RALGPS1: variants seen among roughly 807,000 people sequenced by gnomAD.
The protein encoded by RALGPS1 is ras-specific guanine nucleotide-releasing factor RalGPS1.
In RALGPS1, 19 loss-of-function variants were observed where a neutral mutation model predicts 78.8. That is an observed-to-expected ratio of 0.24 (90% CI 0.17 to 0.35). The LOEUF (loss-of-function observed/expected upper bound fraction) is 0.35. Ranked by LOEUF, RALGPS1 falls within the 10% of genes least tolerant of loss-of-function variation. The pLI is 1.00. For missense variants in RALGPS1, 454 were observed against 688.3 expected (o/e 0.66, Z 3.81); for synonymous variants, 228 against 256.3 (o/e 0.89, Z 1.06).
intron 3 of RALGPS1, among the ~76,000 whole-genome samples, chr9:126,966,212 G>A (rs973427234): frequency 2.0e-5 from 3 of 152,244 alleles, no homozygotes; most frequent in Admixed American, 2.0e-4. Context: ...TGTGGAGAAC[G>A]TGCAATTTAA....
intron 8 of RALGPS1, 117 bp downstream of exon 8, chr9:127,069,473 G>GCCAA: frequency 8.1e-7 from 1 of 1,233,742 alleles, no homozygotes; most frequent in Non-Finnish European, 1.1e-6. Context: ...TAGATAAAGA[G>GCCAA]GCAATTGGTT....
At chr9:127,052,390 G>A (rs1490452079) in intron 6 of RALGPS1, among the ~76,000 whole-genome samples, 2 of 152,216 alleles carry the variant, frequency 1.3e-5, no homozygotes, top group Non-Finnish European at 2.9e-5. Context: ...ACATGGTCAA[G>A]TGATGGGGAA....
At chr9:127,168,627 G>T (rs1219321694) in intron 9 of RALGPS1, 52 bp from the exon 10 acceptor site, 7 of 1,205,016 alleles carry the variant, frequency 5.8e-6, no homozygotes, top group Non-Finnish European at 8.7e-6. Flanking sequence ...CTCATCTGGG[G>T]GCCTAAAGAT....
At chr9:127,125,019 G>A (rs2056505912) in intron 8 of RALGPS1, among the ~76,000 whole-genome samples, 1 of 152,052 alleles carries the variant, frequency 6.6e-6, no homozygotes, top group African/African-American at 2.4e-5. Flanking sequence ...TGGTGGCATT[G>A]GGCAGTCAAA....
intron 8 of RALGPS1, among the ~76,000 whole-genome samples, chr9:127,152,934 A>T (rs1270911781): frequency 2.0e-5 from 3 of 152,230 alleles, no homozygotes; most frequent in Admixed American, 2.0e-4. Context: ...AGTTACAGGT[A>T]CTATCTCTAT....
intron 11 of RALGPS1, chr9:127,177,767 C>T: frequency 1.3e-6 from 2 of 1,509,682 alleles, no homozygotes; most frequent in South Asian, 1.2e-5. Flanking sequence ...CATTTCCTGG[C>T]CTCCTTTGAC....
rs2043300303 is a variant in RALGPS1, at chr9:127,001,437, G to A, written c.216+23692G>A. 2.0e-5 allele frequency among the ~76,000 whole-genome samples: 3 copies of A among 151,804 alleles called. No individual in the cohort carries two copies. The South Asian group carries it at 6.2e-4, about 32-fold the overall frequency. On this transcript the variant is annotated intron_variant, in intron 4 of 18. Coordinates refer to ENST00000259351, the MANE Select transcript of RALGPS1 (RefSeq NM_014636.3). ...ATAATTTCTTTAATTTCAGTGGTTG[G>A]TTTAGGGTTTTTAGTATATATTTTA... is the stretch of plus-strand genomic sequence containing the variant.
chr9:127,203,521 G>A (rs60318802), intron 14 of RALGPS1, among the ~76,000 whole-genome samples: 2 of 152,106 alleles, frequency 1.3e-5, no homozygotes, highest in African/African-American at 2.4e-5. Context: ...GGGGATGGGG[G>A]GGTCCTTGGA....
chr9:127,015,824 C>A (rs894638101), intron 4 of RALGPS1, among the ~76,000 whole-genome samples: 1 of 151,922 alleles, frequency 6.6e-6, no homozygotes, highest in Non-Finnish European at 1.5e-5. Context: ...GACATCACAT[C>A]CCTCCCTCCC....
At chr9:127,029,144 G>C (rs62580808) in intron 4 of RALGPS1, among the ~76,000 whole-genome samples, 94 of 152,220 alleles carry the variant, frequency 6.2e-4, no homozygotes, top group African/African-American at 2.2e-3. Context: ...AGACTTCCTT[G>C]TGGGTGACAA....
At chr9:127,188,933 A>G (rs918754108) in intron 11 of RALGPS1, among the ~76,000 whole-genome samples, 9 of 138,178 alleles carry the variant, frequency 6.5e-5, no homozygotes, top group Admixed American at 1.6e-4. Flanking sequence ...GCAGGAGGTG[A>G]AGGTTGCAGT....
At chr9:126,971,950 A>G (rs1470557638) in intron 3 of RALGPS1, among the ~76,000 whole-genome samples, 2 of 152,266 alleles carry the variant, frequency 1.3e-5, no homozygotes, top group Non-Finnish European at 2.9e-5. Flanking sequence ...GAAGAGGTTA[A>G]GTAAGTTTTT....
intron 4 of RALGPS1, among the ~76,000 whole-genome samples, chr9:126,984,378 C>T (rs551417768): frequency 6.6e-6 from 1 of 152,358 alleles, no homozygotes; most frequent in South Asian, 2.1e-4. Flanking sequence ...GCTGAGATTA[C>T]AGGCATGAGC....
At chr9:126,926,514 G>C (rs897088898) in intron 1 of RALGPS1, among the ~76,000 whole-genome samples, 19 of 152,162 alleles carry the variant, frequency 1.2e-4, no homozygotes, top group African/African-American at 4.6e-4. Flanking sequence ...GGTGTTGCTG[G>C]AGTGTGAGAT....
intron 4 of RALGPS1, among the ~76,000 whole-genome samples, chr9:127,024,036 CA>C (rs61549879): frequency 3.9e-4 from 28 of 71,652 alleles, no homozygotes; most frequent in East Asian, 9.9e-4. Flanking sequence ...GACTCTGTCT[CA>C]AAAAAAAAAA....
At position 126,982,587 on chromosome 9, in the gene RALGPS1, A is replaced by G. The variant is rs567013265; in HGVS notation, c.216+4842A>G. Among the ~76,000 whole-genome samples the G allele has an allele frequency of 2.6e-5, 4 of 152,166 alleles. No individual in the cohort carries two copies. The South Asian group carries it at 8.3e-4, about 32-fold the overall frequency. ...AAGTCTTTATTCAGAGTTTGCTGCT[A>G]TTATTACTATTGTTGTTGTTGTTGT... is the stretch of plus-strand genomic sequence containing the variant. On this transcript the variant is annotated intron_variant, in intron 4 of 18. Transcript: ENST00000259351.
intron 1 of RALGPS1, among the ~76,000 whole-genome samples, chr9:126,921,639 G>C (rs548498944): frequency 3.3e-4 from 50 of 152,316 alleles, no homozygotes; most frequent in African/African-American, 1.2e-3. Flanking sequence ...ACGGACTCTG[G>C]AGTTGGGACA....
chr9:126,994,595 G>A lies in RALGPS1; in HGVS notation c.216+16850G>A, dbSNP rs552923107. Reference sequence around the variant, plus strand: ...TGACGGGGAGAATGGAACCAAGTTGGAAAACACTCTGCAGGATATTATCCA... The same window carrying A: ...TGACGGGGAGAATGGAACCAAGTTGAAAAACACTCTGCAGGATATTATCCA... On this transcript the variant is annotated intron_variant, in intron 4 of 18. Coordinates refer to ENST00000259351, the MANE Select transcript of RALGPS1 (RefSeq NM_014636.3). Among the ~76,000 whole-genome samples the A allele has an allele frequency of 2.6e-3, 394 of 152,310 alleles. 2 individuals are homozygous for A. Among genetic ancestry groups the A allele is most frequent in the African/African-American group, 8.9e-3 (370 of 41,556 alleles).
chr9:126,919,958 T>G (rs2034584342), intron 1 of RALGPS1, among the ~76,000 whole-genome samples: 1 of 152,142 alleles, frequency 6.6e-6, no homozygotes, highest in Non-Finnish European at 1.5e-5. Flanking sequence ...CAGCTCAAAT[T>G]TTCCCTCCTT....
Sources: gnomAD v4.1 joint callset for allele counts (sites outside exome capture counted in the v4.1 genomes callset) on GRCh38, gnomAD v4.1.1 for gene constraint, MANE v1.5 for transcripts, NCBI Gene and HGNC (gene_info 2026-07-23, HGNC 2026-07-21) for gene names.